SLC25A13: variants seen among roughly 807,000 people sequenced by gnomAD.
The protein encoded by SLC25A13 is solute carrier family 25 member 13, also known as electrogenic aspartate/glutamate antiporter SLC25A13, mitochondrial.
In SLC25A13, 70 loss-of-function variants were observed where a neutral mutation model predicts 85.5. That is an observed-to-expected ratio of 0.82 (90% CI 0.68 to 1.00). The LOEUF (loss-of-function observed/expected upper bound fraction) is 1.00, where lower values mean the gene tolerates loss of function less well. SLC25A13 is among the 50% of genes least tolerant of loss of function. The probability of loss-of-function intolerance (pLI) is 0.00; values close to 1 mark genes in which losing one functional copy is unlikely to be tolerated. For missense variants in SLC25A13, 765 were observed against 819.8 expected (o/e 0.93, Z 0.82); for synonymous variants, 259 against 288.7 (o/e 0.90, Z 1.04).
intron 2 of SLC25A13, among the ~76,000 whole-genome samples, chr7:96,290,837 T>C (rs1799090993): frequency 6.6e-6 from 1 of 152,084 alleles, no homozygotes; most frequent in Non-Finnish European, 1.5e-5. Flanking sequence ...ATGGGAGACT[T>C]TAACACCCCA....
intron 9 of SLC25A13, among the ~76,000 whole-genome samples, chr7:96,185,735 A>C (rs1306034326): frequency 2.6e-5 from 4 of 151,516 alleles, no homozygotes; most frequent in Non-Finnish European, 5.9e-5. Flanking sequence ...CTAAAAATAC[A>C]AAAAAAAGAA....
chr7:96,293,401 A>G (rs1799205826), intron 2 of SLC25A13, among the ~76,000 whole-genome samples: 1 of 152,222 alleles, frequency 6.6e-6, no homozygotes, highest in Non-Finnish European at 1.5e-5. Flanking sequence ...ACCAAAAGCA[A>G]TGGCAACAAA....
At position 96,171,487 on chromosome 7, in the gene SLC25A13, C is replaced by T. The variant is rs1793999340; in HGVS notation, c.1215G>A (p.Lys405=). The T allele has an allele frequency of 2.5e-6, 4 of 1,613,376 alleles. No homozygotes were observed. Among genetic ancestry groups the T allele is most frequent in the Non-Finnish European group, 3.4e-6 (4 of 1,179,404 alleles). Residue 405 remains lysine (K), a synonymous_variant, in exon 12 of 18, where the codon AAG becomes AAA. Transcript: ENST00000265631. ...LPQLLGVAPE[K]AIKLTVNDFV... is the part of the protein sequence containing the mutation. ...AAAGACTTACTGTAAGTTTTATGGC[C>T]TTCTCTGGGGCAACTCCCAATAACT... is the stretch of plus-strand genomic sequence containing the variant.
At chr7:96,222,598 AC>A in intron 4 of SLC25A13, among the ~76,000 whole-genome samples, 1 of 152,230 alleles carries the variant, frequency 6.6e-6, no homozygotes, top group African/African-American at 2.4e-5. Flanking sequence ...GGCACATGCC[AC>A]CATGCCCAGC....
At chr7:96,144,595 G>T (rs1450028814) in intron 14 of SLC25A13, among the ~76,000 whole-genome samples, 3 of 152,134 alleles carry the variant, frequency 2.0e-5, no homozygotes, top group Non-Finnish European at 4.4e-5. Context: ...GAGCAATCCT[G>T]CTCATTTCAG....
At chr7:96,168,076 G>A (rs1793833156) in intron 13 of SLC25A13, among the ~76,000 whole-genome samples, 2 of 107,216 alleles carry the variant, frequency 1.9e-5, no homozygotes, top group Non-Finnish European at 3.6e-5. Context: ...CTCCAGCCTG[G>A]TGACAGAGCG....
In SLC25A13 at chr7:96,179,950, C is replaced by A. The variant is rs544379683; in HGVS notation, c.1177+4327G>T. ...AATCTGGATACTCCCTTTTATAGTA[C>A]CATCAATGATAAGGGACCTGGCTTA... is the stretch of plus-strand genomic sequence containing the variant. On this transcript the variant is annotated intron_variant, in intron 11 of 17. Coordinates refer to ENST00000265631, the MANE Select transcript of SLC25A13 (RefSeq NM_014251.3). Among the ~76,000 whole-genome samples, 6 of 152,266 alleles carry A rather than the reference C, an allele frequency of 3.9e-5. 1 individual carries two copies. The highest frequency in any genetic ancestry group is 4.1e-4 in the South Asian group (2 of 4,828).
chr7:96,227,930 T>C (rs1796381719), intron 4 of SLC25A13, among the ~76,000 whole-genome samples: 1 of 152,160 alleles, frequency 6.6e-6, no homozygotes, highest in Non-Finnish European at 1.5e-5. Flanking sequence ...AATGGCATGA[T>C]GTCGGCTCAC....
intron 11 of SLC25A13, among the ~76,000 whole-genome samples, chr7:96,182,586 G>T (rs557259693): frequency 6.6e-6 from 1 of 152,164 alleles, no homozygotes; most frequent in Non-Finnish European, 1.5e-5. Flanking sequence ...ACAGATAAAA[G>T]AACTGAAACG....
intron 9 of SLC25A13, among the ~76,000 whole-genome samples, chr7:96,185,241 C>T (rs1794586895): frequency 1.3e-5 from 2 of 152,092 alleles, no homozygotes. Flanking sequence ...CAAAACCATC[C>T]TTTGACAAAA....
chr7:96,322,089 T>C lies in SLC25A13; in HGVS notation c.-133A>G, dbSNP rs1052713003. ...GATACGGCCAGGCAGCGTGCGTTCC[T>C]GGCCTGCCTCCCCACGCCCTCCCGC... On this transcript the variant is annotated 5_prime_UTR_variant, in exon 1 of 18. Transcript: ENST00000265631. 3.2e-6 allele frequency: 4 copies of C among 1,269,532 alleles called. No homozygotes were observed. The highest frequency in any genetic ancestry group is 4.2e-5 in the Admixed American group (2 of 48,068). The allele number at this position is 1,269,532 out of a possible 1,614,324, so 78.6% of individuals were successfully genotyped here.
intron 15 of SLC25A13, among the ~76,000 whole-genome samples, chr7:96,123,542 G>A (rs556345043): frequency 6.6e-6 from 1 of 152,314 alleles, no homozygotes; most frequent in Admixed American, 6.5e-5. Context: ...GGTGAAGGAA[G>A]CAGGTATGAA....
rs1793893920 is a variant in SLC25A13, at chr7:96,169,115, G to C, written c.1311+930C>G. ...CATCCATCTCTAAAGAATACCAGGA[G>C]CTAGGACTTCTTAGGTCCTGCTACA... On this transcript the variant is annotated intron_variant, in intron 13 of 17. Transcript: ENST00000265631. Among the ~76,000 whole-genome samples the C allele has an allele frequency of 4.6e-5, 7 of 152,172 alleles. No individual in the cohort carries two copies. In the South Asian group the frequency reaches 1.5e-3, roughly 32 times the overall value.
chr7:96,211,935 C>G (rs1013028066), intron 4 of SLC25A13, among the ~76,000 whole-genome samples: 3 of 152,174 alleles, frequency 2.0e-5, no homozygotes, highest in Admixed American at 6.5e-5. Context: ...TGCAAGGGTC[C>G]AGGACCTCAT....
intron 2 of SLC25A13, among the ~76,000 whole-genome samples, chr7:96,293,566 C>T (rs371154099): frequency 6.6e-6 from 1 of 152,294 alleles, no homozygotes; most frequent in East Asian, 1.9e-4. Context: ...CTACAAAGAA[C>T]TCAGCCAAAC....
chr7:96,229,762 C>T (rs759452974), intron 4 of SLC25A13, among the ~76,000 whole-genome samples: 48 of 152,078 alleles, frequency 3.2e-4, no homozygotes, highest in Non-Finnish European at 5.6e-4. Flanking sequence ...CTGAAGCCAG[C>T]GAGACCACGA....
intron 1 of SLC25A13, among the ~76,000 whole-genome samples, chr7:96,313,573 G>T (rs1800022759): frequency 1.3e-5 from 2 of 152,100 alleles, no homozygotes; most frequent in African/African-American, 4.8e-5. Flanking sequence ...GGTACTCATG[G>T]ACATAAAGAT....
intron 13 of SLC25A13, among the ~76,000 whole-genome samples, chr7:96,149,866 G>C (rs1003270285): frequency 6.6e-6 from 1 of 152,214 alleles, no homozygotes; most frequent in Non-Finnish European, 1.5e-5. Flanking sequence ...AGAGATCAAA[G>C]ATAGCTGAAT....
chr7:96,216,472 A>G (rs1795903854), intron 4 of SLC25A13, among the ~76,000 whole-genome samples: 1 of 152,202 alleles, frequency 6.6e-6, no homozygotes, highest in Admixed American at 6.5e-5. Context: ...AGCACTATTC[A>G]CAATAGCAAA....
Sources: gnomAD v4.1 joint callset for allele counts (sites outside exome capture counted in the v4.1 genomes callset) on GRCh38, gnomAD v4.1.1 for gene constraint, MANE v1.5 for transcripts, NCBI Gene and HGNC (gene_info 2026-07-23, HGNC 2026-07-21) for gene names.